The following AUTS2 variants were observed in gnomAD, a reference collection of about 807,000 sequenced individuals.
AUTS2 encodes the protein activator of transcription and developmental regulator AUTS2.
In AUTS2, 17 loss-of-function variants were observed where a neutral mutation model predicts 112.4. The observed-to-expected ratio is 0.15, with a 90% CI of 0.10 to 0.23. The LOEUF (loss-of-function observed/expected upper bound fraction) is 0.23, where lower values mean the gene tolerates loss of function less well. Ranked by LOEUF, AUTS2 falls within the 10% of genes least tolerant of loss-of-function variation. The probability of loss-of-function intolerance (pLI) is 1.00; values close to 1 mark genes in which losing one functional copy is unlikely to be tolerated. For synonymous variants in AUTS2, 751 were observed against 702.7 expected (o/e 1.07, Z -1.09); for missense variants, 1,510 against 1,701.6 (o/e 0.89, Z 1.98).
At chr7:70,784,858 G>C (rs994907589) in intron 15 of AUTS2, 84 bp from the exon 16 acceptor site, 13 of 1,228,110 alleles carry the variant, frequency 1.1e-5, no homozygotes, top group Middle Eastern at 1.9e-4. Context: ...ATTTTCTCAC[G>C]GGGCCCTTAA....
chr7:70,772,768 C>A (rs1038306769), intron 11 of AUTS2, among the ~76,000 whole-genome samples: 1 of 152,196 alleles, frequency 6.6e-6, no homozygotes, highest in Admixed American at 6.5e-5. Context: ...ATATACAGGG[C>A]TTTTATGACT....
intron 1 of AUTS2, among the ~76,000 whole-genome samples, chr7:69,613,708 C>T (rs1405942225): frequency 1.3e-5 from 2 of 152,180 alleles, no homozygotes; most frequent in African/African-American, 4.8e-5. Flanking sequence ...GTCTTGTCTG[C>T]TTTTAAACTG....
chr7:70,066,080 G>T (rs956661356), intron 2 of AUTS2, among the ~76,000 whole-genome samples: 1 of 152,060 alleles, frequency 6.6e-6, no homozygotes, highest in African/African-American at 2.4e-5. Context: ...CAATCTGTAG[G>T]ACTATTTGGT....
Position 70,290,563 on chromosome 7 carries a change from T to C in AUTS2, c.661-145189T>C, listed in dbSNP as rs1788664193. The C allele has an allele frequency of 2.7e-6, 4 of 1,484,884 alleles. No homozygotes were observed. In the African/African-American group the frequency reaches 5.8e-5, roughly 22 times the overall value. 92.0% of individuals were successfully genotyped at this position (1,484,884 alleles called of 1,614,324 possible). On this transcript the variant is annotated intron_variant, in intron 4 of 18. Coordinates refer to ENST00000342771, the MANE Select transcript of AUTS2 (RefSeq NM_015570.4). ...ATTCTAATACTCTATGTGATATAGA[T>C]TCTGTTGACTACTGTTAGCGTGACC...
chr7:70,459,063 C>G (rs769470865), intron 5 of AUTS2, among the ~76,000 whole-genome samples: 2 of 152,130 alleles, frequency 1.3e-5, no homozygotes, highest in Non-Finnish European at 2.9e-5. Context: ...GTGTGGTTTC[C>G]CCGGGAGAGA....
chr7:70,748,549 G>T (rs186028145), intron 6 of AUTS2, among the ~76,000 whole-genome samples: 6 of 152,164 alleles, frequency 3.9e-5, no homozygotes, highest in African/African-American at 1.4e-4. Context: ...TTACAGCTAC[G>T]TAGGATGTAG....
intron 1 of AUTS2, among the ~76,000 whole-genome samples, chr7:69,880,299 T>C (rs887068356): frequency 1.3e-5 from 2 of 152,130 alleles, no homozygotes; most frequent in Non-Finnish European, 2.9e-5. Flanking sequence ...TTACTTCCAA[T>C]ACTGGGGATT....
intron 1 of AUTS2, among the ~76,000 whole-genome samples, chr7:69,779,048 TTTAAAAAAAAAAA>T (rs1322324221): frequency 7.4e-6 from 1 of 134,746 alleles, no homozygotes; most frequent in Non-Finnish European, 1.5e-5. Flanking sequence ...CCTTTTTTTT[TTTAAAAAAAAAAA>T]AAAAAAAAAA....
chr7:70,784,801 G>T, intron 15 of AUTS2, 141 bp from the exon 16 acceptor site: 5 of 575,368 alleles, frequency 8.7e-6, no homozygotes, highest in East Asian at 6.3e-5. Flanking sequence ...CCTGTGTCTT[G>T]CCTGCAGGGG....
chr7:70,520,857 T>C (rs3113269), intron 5 of AUTS2, among the ~76,000 whole-genome samples: 87,238 of 152,052 alleles, frequency 0.57, 26,185 homozygotes, highest in African/African-American at 0.74. Context: ...AATTCTTTCC[T>C]AATGAGCCTT....
intron 5 of AUTS2, among the ~76,000 whole-genome samples, chr7:70,537,479 A>G (rs1220796013): frequency 5.3e-5 from 8 of 152,372 alleles, no homozygotes; most frequent in African/African-American, 1.4e-4. Flanking sequence ...TATGTTATAT[A>G]TGCAAACTCT....
At chr7:70,057,579 G>C (rs1399558430) in intron 2 of AUTS2, among the ~76,000 whole-genome samples, 1 of 152,134 alleles carries the variant, frequency 6.6e-6, no homozygotes, top group Non-Finnish European at 1.5e-5. Flanking sequence ...AATTGATGTG[G>C]AATAAGTTTT....
At chr7:70,767,319 G>A (rs1337471204) in intron 9 of AUTS2, among the ~76,000 whole-genome samples, 2 of 151,916 alleles carry the variant, frequency 1.3e-5, no homozygotes, top group African/African-American at 4.8e-5. Flanking sequence ...TCATTTCAAG[G>A]AATATTAGCA....
intron 5 of AUTS2, among the ~76,000 whole-genome samples, chr7:70,575,714 G>A (rs1258633885): frequency 6.6e-6 from 1 of 152,132 alleles, no homozygotes; most frequent in African/African-American, 2.4e-5. Context: ...GTTAACTGCG[G>A]GCCTGTCAGT....
At chr7:69,704,437 C>T (rs1305237724) in intron 1 of AUTS2, among the ~76,000 whole-genome samples, 1 of 152,090 alleles carries the variant, frequency 6.6e-6, no homozygotes, top group African/African-American at 2.4e-5. Flanking sequence ...GCCACCACGC[C>T]CGGCTAATTT....
At chr7:69,865,404 G>T (rs1044209883) in intron 1 of AUTS2, among the ~76,000 whole-genome samples, 26 of 152,256 alleles carry the variant, frequency 1.7e-4, no homozygotes, top group Admixed American at 1.4e-3. Context: ...GTGCTGTCCA[G>T]AATTTCTTAG....
chr7:70,147,688 A>G (rs1807203098), intron 4 of AUTS2, among the ~76,000 whole-genome samples: 1 of 152,152 alleles, frequency 6.6e-6, no homozygotes, highest in African/African-American at 2.4e-5. Flanking sequence ...AATTTAGCAT[A>G]TAAGCCTTTT....
chr7:70,247,512 A>G (rs774499988), intron 4 of AUTS2, among the ~76,000 whole-genome samples: 30 of 152,194 alleles, frequency 2.0e-4, no homozygotes, highest in Non-Finnish European at 8.8e-5. Context: ...TTAAAATGGT[A>G]AATTTCATTT....
At chr7:70,024,792 A>T (rs1800440253) in intron 2 of AUTS2, among the ~76,000 whole-genome samples, 1 of 152,162 alleles carries the variant, frequency 6.6e-6, no homozygotes, top group Admixed American at 6.5e-5. Flanking sequence ...CTTCTTTGTG[A>T]TACCTTATTT....
Sources: allele counts gnomAD v4.1 joint callset (sites outside exome capture counted in the v4.1 genomes callset), GRCh38; gene constraint gnomAD v4.1.1; transcripts MANE v1.5; gene names NCBI Gene and HGNC (gene_info 2026-07-23, HGNC 2026-07-21).